The following SRSF4 variants were observed in gnomAD, a reference collection of about 807,000 sequenced individuals.
SRSF4 encodes the protein serine and arginine rich splicing factor 4.
A neutral mutation model predicts 48.8 loss-of-function variants in SRSF4; 12 were observed. That is an observed-to-expected ratio of 0.25 (90% CI 0.16 to 0.40). The LOEUF is 0.40. SRSF4 is among the 10% of genes least tolerant of loss of function. The pLI is 1.00. For synonymous variants in SRSF4, 248 were observed against 232.5 expected, an observed-to-expected ratio of 1.07 and a Z score of -0.61; for missense variants, 466 against 667.1, an observed-to-expected ratio of 0.70 and a Z score of 3.32.
intron 1 of SRSF4, among the ~76,000 whole-genome samples, chr1:29,162,827 C>T (rs1421773335): frequency 1.3e-5 from 2 of 152,200 alleles, no homozygotes; most frequent in Non-Finnish European, 2.9e-5. Flanking sequence ...AGGGTTACAA[C>T]TACTGGGCAG....
chr1:29,154,981 G>A, intron 3 of SRSF4, 71 bp from the exon 4 acceptor site: 1 of 1,395,372 alleles, frequency 7.2e-7, no homozygotes. Context: ...TCATCTGAGT[G>A]AATTTTTCCT....
chr1:29,155,183 C>A (rs1332846969), intron 3 of SRSF4, among the ~76,000 whole-genome samples: 3 of 152,106 alleles, frequency 2.0e-5, no homozygotes, highest in Non-Finnish European at 4.4e-5. Flanking sequence ...GTAATCCCAG[C>A]ACTTTGACAA....
intron 1 of SRSF4, chr1:29,168,992 T>A (rs755681769): frequency 6.6e-6 from 1 of 152,190 alleles, no homozygotes; most frequent in Non-Finnish European, 1.5e-5. Flanking sequence ...ATGATAAACA[T>A]CTAAGATGTG....
intron 1 of SRSF4, among the ~76,000 whole-genome samples, chr1:29,177,753 T>C (rs1187705920): frequency 6.6e-6 from 1 of 152,122 alleles, no homozygotes; most frequent in Non-Finnish European, 1.5e-5. Flanking sequence ...CCTGGTGTAA[T>C]AAAACGGTAG....
chr1:29,181,409 C>G (rs1672954048), intron 1 of SRSF4, among the ~76,000 whole-genome samples: 1 of 152,180 alleles, frequency 6.6e-6, no homozygotes, highest in South Asian at 2.1e-4. Context: ...CTTTCCTTCT[C>G]CCCGTCCCAC....
chr1:29,172,936 G>A (rs1018687124), intron 1 of SRSF4: 1 of 152,038 alleles, frequency 6.6e-6, no homozygotes, highest in African/African-American at 2.4e-5. Flanking sequence ...ATTTTATGAA[G>A]CCATTAATAA....
intron 2 of SRSF4, chr1:29,159,714 T>A: frequency 2.9e-6 from 1 of 348,046 alleles, no homozygotes; most frequent in Non-Finnish European, 5.2e-6. Flanking sequence ...AATATTTGCA[T>A]TTAAGATTAA....
At position 29,150,134 on chromosome 1, in the gene SRSF4, T is replaced by G. The variant is rs1373990887; in HGVS notation, c.637A>C (p.Ser213Arg). 1 of 1,614,044 alleles carries G rather than the reference T, an allele frequency of 6.2e-7. No homozygotes were observed. Among genetic ancestry groups the G allele is most frequent in the South Asian group, 1.1e-5 (1 of 91,084 alleles). ...CGAGATCTACTCTTAGAATGACTGCTTTTGCTGCTGCCACTTCGGCTTCTG... is the reference window on the plus strand; with the variant it reads ...CGAGATCTACTCTTAGAATGACTGCGTTTGCTGCTGCCACTTCGGCTTCTG... ...KSRSRSGSSK[S>R]SHSKSRSRSR... Residue 213 changes from serine (S) to arginine (R), a missense_variant, in exon 5 of 6, where the codon AGC becomes CGC. By Grantham distance (110) the Ser-to-Arg change is moderately radical (BLOSUM62 -1). This residue lies in a region of SRSF4 where 402 missense variants were observed against 437.0 expected (regional missense o/e 0.92). Coordinates refer to ENST00000373795, the MANE Select transcript of SRSF4 (RefSeq NM_005626.5).
intron 1 of SRSF4, among the ~76,000 whole-genome samples, chr1:29,180,695 C>G (rs988011774): frequency 6.6e-6 from 1 of 152,210 alleles, no homozygotes; most frequent in Admixed American, 6.5e-5. Context: ...CCATGCCTTC[C>G]AAGCCCTACC....
intron 4 of SRSF4, among the ~76,000 whole-genome samples, chr1:29,152,986 T>A (rs1415372604): frequency 1.3e-5 from 2 of 152,072 alleles, no homozygotes; most frequent in Non-Finnish European, 2.9e-5. Context: ...GCCTTATTCA[T>A]TAGGGCTCAG....
intron 2 of SRSF4, chr1:29,159,789 C>T: frequency 4.5e-6 from 1 of 220,396 alleles, no homozygotes; most frequent in South Asian, 8.3e-5. Context: ...ATTACTAAAT[C>T]AGTTACTGGT....
At chr1:29,170,647 A>G (rs1672733759) in intron 1 of SRSF4, 1 of 152,186 alleles carries the variant, frequency 6.6e-6, no homozygotes, top group South Asian at 2.1e-4. Context: ...AATTTTTCAA[A>G]TTCTTTTAAA....
At chr1:29,175,694 CAAAAAA>C (rs60942124) in intron 1 of SRSF4, among the ~76,000 whole-genome samples, 17 of 38,588 alleles carry the variant, frequency 4.4e-4, no homozygotes, top group South Asian at 4.3e-3. Flanking sequence ...GACGCTGTCT[CAAAAAA>C]AAAAAAAAAA....
intron 1 of SRSF4, among the ~76,000 whole-genome samples, chr1:29,179,621 G>A (rs1012414226): frequency 1.3e-5 from 2 of 152,168 alleles, no homozygotes; most frequent in African/African-American, 4.8e-5. Flanking sequence ...GCAGGCACAA[G>A]TCACCATGCC....
chr1:29,154,474 C>G, intron 4 of SRSF4: 1 of 537,356 alleles, frequency 1.9e-6, no homozygotes, highest in Non-Finnish European at 3.2e-6. Flanking sequence ...GGATTACAGG[C>G]GTGAGCAAGG....
intron 1 of SRSF4, chr1:29,170,237 A>G (rs1405503942): frequency 6.6e-6 from 1 of 152,106 alleles, no homozygotes; most frequent in South Asian, 2.1e-4. Context: ...TCAACCACAA[A>G]TTAAAAACGA....
At chr1:29,162,366 T>C (rs1232297031) in intron 1 of SRSF4, among the ~76,000 whole-genome samples, 2 of 152,234 alleles carry the variant, frequency 1.3e-5, no homozygotes, top group African/African-American at 4.8e-5. Flanking sequence ...TAATAGATAA[T>C]ATAATGTAGC....
At chr1:29,160,819 A>G (rs542046469) in intron 1 of SRSF4, among the ~76,000 whole-genome samples, 2 of 152,362 alleles carry the variant, frequency 1.3e-5, no homozygotes, top group African/African-American at 2.4e-5. Flanking sequence ...GATGCTTGGT[A>G]TAAGAATCCA....
At chr1:29,173,128 GGCT>G (rs1672771092) in intron 1 of SRSF4, 1 of 135,408 alleles carries the variant, frequency 7.4e-6, no homozygotes, top group African/African-American at 2.7e-5. Flanking sequence ...GAGTCAAAAA[GGCT>G]TTTTTTTTTT....
Sources: gnomAD v4.1 joint callset for allele counts (sites outside exome capture counted in the v4.1 genomes callset) on GRCh38, gnomAD v4.1.1 for gene constraint, gnomAD v4.1.1 regional missense constraint, MANE v1.5 for transcripts, NCBI Gene and HGNC (gene_info 2026-07-23, HGNC 2026-07-21) for gene names.